ACAT1: variants seen among roughly 807,000 people sequenced by gnomAD.
ACAT1 encodes the protein acetyl-CoA acetyltransferase 1, also known as acetyl-CoA acetyltransferase, mitochondrial.
Under a neutral mutation model 47.3 loss-of-function variants are expected in ACAT1, and 28 were observed. The observed-to-expected ratio is 0.59, with a 90% CI of 0.44 to 0.81. The LOEUF (loss-of-function observed/expected upper bound fraction) is 0.81, where lower values mean the gene tolerates loss of function less well. Among genes scored for constraint, ACAT1 ranks in the 30% least tolerant of loss-of-function variants. The pLI is 0.00. For missense variants in ACAT1, 469 were observed against 524.3 expected (o/e 0.89, Z 1.03); for synonymous variants, 181 against 173.6 (o/e 1.04, Z -0.34).
chr11:108,145,438 G>A (rs867796141), intron 10 of ACAT1, among the ~76,000 whole-genome samples: 3 of 152,138 alleles, frequency 2.0e-5, no homozygotes, highest in African/African-American at 7.2e-5. Flanking sequence ...AGCGCTTTGG[G>A]AGGCAGATCG....
At chr11:108,134,910 A>AC (rs1449690513) in intron 4 of ACAT1, among the ~76,000 whole-genome samples, 1 of 137,928 alleles carries the variant, frequency 7.3e-6, no homozygotes, top group Non-Finnish European at 1.5e-5. Context: ...GCGCCACTGC[A>AC]CGCCAGCTTG....
At chr11:108,129,955 A>G (rs2077326139) in intron 1 of ACAT1, among the ~76,000 whole-genome samples, 1 of 152,162 alleles carries the variant, frequency 6.6e-6, no homozygotes, top group South Asian at 2.1e-4. Context: ...TTTTCAAACA[A>G]AATAAATTGC....
rs374716267 is a variant in ACAT1 at position 108,135,254 on chromosome 11, C to T, written c.435+12C>T. ...TGTGTGGACATCAGGTAAGAAACAC[C>T]GTCCTTCCCATTTATTAATCAGAGT... is the stretch of plus-strand genomic sequence containing the variant. On this transcript the variant is annotated intron_variant, in intron 5 of 11. Transcript: ENST00000265838. The T allele has an allele frequency of 3.0e-5, 47 of 1,570,726 alleles. No homozygotes were observed. The highest frequency in any genetic ancestry group is 9.0e-5 in the East Asian group (4 of 44,638).
rs1400271424 is a variant in ACAT1, at chr11:108,140,192, T to C, written c.707T>C (p.Ile236Thr). ...WEAGKFGNEV[I>T]PVTVTVKGQP... ...GCTGGGAAATTTGGAAATGAAGTTA[T>C]TCCTGTCACAGTTACAGTAAAAGGT... Residue 236 changes from isoleucine (I) to threonine (T), a missense_variant, in exon 7 of 12, where the codon ATT becomes ACT. Coordinates refer to ENST00000265838, the MANE Select transcript of ACAT1 (RefSeq NM_000019.4). The C allele has an allele frequency of 3.1e-6, 5 of 1,614,150 alleles. No homozygotes were observed. Among genetic ancestry groups the C allele is most frequent in the Non-Finnish European group, 1.7e-6 (2 of 1,180,002 alleles).
At chr11:108,132,067 A>C in intron 2 of ACAT1, 113 bp downstream of exon 2, 1 of 633,666 alleles carries the variant, frequency 1.6e-6, no homozygotes, top group Admixed American at 2.2e-5. Flanking sequence ...ATTATGTAAC[A>C]GTTAGGAATA....
chr11:108,118,517 G>A (rs35219733), upstream of ACAT1, among the ~76,000 whole-genome samples: 2 of 151,970 alleles, frequency 1.3e-5, no homozygotes, highest in Non-Finnish European at 2.9e-5. Context: ...TGGGACTACA[G>A]GTGGCCCCCT....
chr11:108,134,944 CAAAAAAAAA>C (rs56229925), intron 4 of ACAT1, among the ~76,000 whole-genome samples, 189 bp from the exon 5 acceptor site: 2 of 81,370 alleles, frequency 2.5e-5, no homozygotes, highest in Non-Finnish European at 4.3e-5. Flanking sequence ...GACTCCGTCT[CAAAAAAAAA>C]AAAAAAAAAA....
At chr11:108,119,847 C>T (rs549049262), upstream of ACAT1, among the ~76,000 whole-genome samples, 35 of 152,168 alleles carry the variant, frequency 2.3e-4, no homozygotes, top group East Asian at 4.2e-3. Flanking sequence ...AGAGGTTCTT[C>T]GGTGCAGGAA....
At chr11:108,142,596 G>A (rs367597552) in intron 9 of ACAT1, 46 bp downstream of exon 9, 144 of 1,478,040 alleles carry the variant, frequency 9.7e-5, no homozygotes, top group Non-Finnish European at 1.3e-4. Context: ...CAGCACTTTC[G>A]GAGGTTGAGG....
chr11:108,123,040 C>T lies in ACAT1; in HGVS notation c.72+1362C>T, dbSNP rs141754154. Among the ~76,000 whole-genome samples, 115 of 151,460 alleles carry T rather than the reference C, an allele frequency of 7.6e-4. 1 individual carries two copies. The East Asian group carries it at 0.021, about 27-fold the overall frequency. ...AAGAGTTCAAGACCAGCCTGGCCAACGTGGTGAAGCCCCACCTCTATTAAA... is the reference window on the plus strand; with the variant it reads ...AAGAGTTCAAGACCAGCCTGGCCAATGTGGTGAAGCCCCACCTCTATTAAA... On this transcript the variant is annotated intron_variant, in intron 1 of 11. Coordinates refer to ENST00000265838, the MANE Select transcript of ACAT1 (RefSeq NM_000019.4).
At chr11:108,118,890 A>G (rs530394865), upstream of ACAT1, among the ~76,000 whole-genome samples, 1 of 152,254 alleles carries the variant, frequency 6.6e-6, no homozygotes, top group South Asian at 2.1e-4. Flanking sequence ...TTTTCCTGGT[A>G]GTGCCTCTGA....
At chr11:108,122,766 T>G (rs372589529) in intron 1 of ACAT1, among the ~76,000 whole-genome samples, 3 of 152,300 alleles carry the variant, frequency 2.0e-5, no homozygotes, top group Admixed American at 6.5e-5. Flanking sequence ...AGATGAGTTT[T>G]TAGCCTATTT....
chr11:108,140,255 T>C (rs2077559932), intron 7 of ACAT1, 40 bp downstream of exon 7: 1 of 1,608,414 alleles, frequency 6.2e-7, no homozygotes, highest in East Asian at 2.2e-5. Context: ...AGACTTTTCA[T>C]GTTGCTGAAT....
upstream of ACAT1, among the ~76,000 whole-genome samples, chr11:108,120,600 C>A (rs914008270): frequency 1.8e-4 from 27 of 152,090 alleles, no homozygotes; most frequent in Non-Finnish European, 3.7e-4. Flanking sequence ...TGTTTTCTCT[C>A]GTTTCTGTGG....
intron 5 of ACAT1, among the ~76,000 whole-genome samples, chr11:108,137,513 TATCTC>T (rs1409631207): frequency 1.3e-5 from 2 of 152,218 alleles, no homozygotes; most frequent in African/African-American, 2.4e-5. Context: ...AGTGGAAAAT[TATCTC>T]AGCTGTCCAG....
At chr11:108,122,697 A>G (rs943007918) in intron 1 of ACAT1, among the ~76,000 whole-genome samples, 8 of 152,234 alleles carry the variant, frequency 5.3e-5, no homozygotes, top group Admixed American at 4.6e-4. Flanking sequence ...GAAAGAGTCT[A>G]AAATTGATCC....
At chr11:108,132,747 G>C (rs1249443762) in intron 2 of ACAT1, among the ~76,000 whole-genome samples, 1 of 150,380 alleles carries the variant, frequency 6.6e-6, no homozygotes, top group East Asian at 2.0e-4. Flanking sequence ...CCAGCTACTC[G>C]GGAGGCTGAG....
At chr11:108,128,842 T>C (rs906275691) in intron 1 of ACAT1, 6 of 152,194 alleles carry the variant, frequency 3.9e-5, no homozygotes, top group African/African-American at 1.4e-4. Flanking sequence ...AGTGGCTTAG[T>C]AAACAAGGAA....
At chr11:108,134,975 A>C (rs1354826307) in intron 4 of ACAT1, among the ~76,000 whole-genome samples, 167 bp from the exon 5 acceptor site, 1 of 151,356 alleles carries the variant, frequency 6.6e-6, no homozygotes, top group Non-Finnish European at 1.5e-5. Flanking sequence ...AAAAGTATAA[A>C]ATGGCAAAAT....
Sources: allele counts gnomAD v4.1 joint callset (sites outside exome capture counted in the v4.1 genomes callset), GRCh38; gene constraint gnomAD v4.1.1; transcripts MANE v1.5; gene names NCBI Gene and HGNC (gene_info 2026-07-23, HGNC 2026-07-21).